The following ROBO2 variants were observed in gnomAD, a reference collection of about 807,000 sequenced individuals.
ROBO2 encodes the protein roundabout homolog 2.
Under a neutral mutation model 160.8 loss-of-function variants are expected in ROBO2, and 53 were observed. The observed-to-expected ratio is 0.33, with a 90% CI of 0.26 to 0.41. ROBO2 has a LOEUF of 0.41. ROBO2 is among the 10% of genes least tolerant of loss of function. The probability of loss-of-function intolerance (pLI) is 1.00; values close to 1 mark genes in which losing one functional copy is unlikely to be tolerated. For missense variants in ROBO2, 1,577 were observed against 1,722.4 expected (o/e 0.92, Z 1.49); for synonymous variants, 664 against 611.7 (o/e 1.09, Z -1.26).
intron 2 of ROBO2, among the ~76,000 whole-genome samples, chr3:76,188,977 T>C (rs1559624588): frequency 1.3e-5 from 2 of 152,142 alleles, no homozygotes; most frequent in South Asian, 2.1e-4. Flanking sequence ...AAGGTTATTG[T>C]ATCTTGTAAT....
At chr3:77,468,897 A>G (rs1582210985) in intron 2 of ROBO2, among the ~76,000 whole-genome samples, 1 of 152,122 alleles carries the variant, frequency 6.6e-6, no homozygotes, top group East Asian at 1.9e-4. Context: ...GTCAGCTTGC[A>G]CAGCGGCCCC....
chr3:77,521,017 T>C (rs1233227805), intron 5 of ROBO2, among the ~76,000 whole-genome samples: 3 of 151,426 alleles, frequency 2.0e-5, no homozygotes, highest in South Asian at 4.1e-4. Flanking sequence ...AAACAAGATA[T>C]GTATCATGTA....
At chr3:76,309,060 T>A (rs978061323) in intron 2 of ROBO2, among the ~76,000 whole-genome samples, 4 of 151,992 alleles carry the variant, frequency 2.6e-5, no homozygotes, top group African/African-American at 9.7e-5. Flanking sequence ...ATTTTTTTTT[T>A]AATTGCTAAT....
chr3:77,287,886 G>A (rs891800795), intron 2 of ROBO2, among the ~76,000 whole-genome samples: 3 of 152,124 alleles, frequency 2.0e-5, no homozygotes, highest in Admixed American at 1.3e-4. Flanking sequence ...AATGAAACTG[G>A]TAAAATAACC....
At chr3:77,443,127 A>G (rs967340082) in intron 2 of ROBO2, among the ~76,000 whole-genome samples, 8 of 152,234 alleles carry the variant, frequency 5.3e-5, no homozygotes, top group Non-Finnish European at 1.5e-5. Context: ...GATACAATGG[A>G]AAGAACAATG....
At chr3:76,265,649 A>C (rs2107609473) in intron 2 of ROBO2, among the ~76,000 whole-genome samples, 1 of 152,290 alleles carries the variant, frequency 6.6e-6, no homozygotes, top group South Asian at 2.1e-4. Context: ...GCATTACAGT[A>C]AGTTCGTGAG....
intron 2 of ROBO2, among the ~76,000 whole-genome samples, chr3:76,631,199 T>G (rs1430208077): frequency 1.3e-5 from 2 of 152,226 alleles, no homozygotes; most frequent in African/African-American, 4.8e-5. Flanking sequence ...AATTTTAATT[T>G]TATTCAGTGG....
chr3:77,405,096 G>A (rs1019101642), intron 2 of ROBO2, among the ~76,000 whole-genome samples: 1 of 152,078 alleles, frequency 6.6e-6, no homozygotes, highest in Non-Finnish European at 1.5e-5. Flanking sequence ...AACACTTTTG[G>A]ATCTTCAGTT....
At chr3:77,317,421 C>A in intron 2 of ROBO2, 1 of 1,449,346 alleles carries the variant, frequency 6.9e-7, no homozygotes, top group Non-Finnish European at 9.5e-7. Flanking sequence ...GTCAGTCCAT[C>A]GGTACCTGGT....
At chr3:77,168,269 A>G (rs2079290079) in intron 2 of ROBO2, among the ~76,000 whole-genome samples, 1 of 152,192 alleles carries the variant, frequency 6.6e-6, no homozygotes, top group Admixed American at 6.5e-5. Flanking sequence ...TCTGGCTCTT[A>G]ACCTTAATGC....
intron 2 of ROBO2, among the ~76,000 whole-genome samples, chr3:76,688,602 G>GGTGTGT (rs111250460): frequency 0.014 from 2,045 of 148,752 alleles, 39 homozygotes; most frequent in African/African-American, 0.042. Context: ...AAATTTTAGT[G>GGTGTGT]GTGTGTGTGT....
At chr3:77,329,623 G>A (rs1160276099) in intron 2 of ROBO2, among the ~76,000 whole-genome samples, 2 of 152,152 alleles carry the variant, frequency 1.3e-5, no homozygotes, top group East Asian at 3.8e-4. Context: ...GCCATGTTTT[G>A]CTGGATAATT....
At chr3:77,064,184 G>C (rs1362757755) in intron 1 of ROBO2, among the ~76,000 whole-genome samples, 1 of 152,022 alleles carries the variant, frequency 6.6e-6, no homozygotes, top group African/African-American at 2.4e-5. Flanking sequence ...CCTTAAAAAT[G>C]TATTAAATTG....
At chr3:76,396,460 A>AAGT (rs2077454447) in intron 2 of ROBO2, among the ~76,000 whole-genome samples, 1 of 152,158 alleles carries the variant, frequency 6.6e-6, no homozygotes. Flanking sequence ...ATAGTGTTGG[A>AAGT]AGTTCTGGTC....
chr3:77,269,180 AAAAG>A (rs1560387645), intron 2 of ROBO2, among the ~76,000 whole-genome samples: 1 of 152,196 alleles, frequency 6.6e-6, no homozygotes, highest in African/African-American at 2.4e-5. Flanking sequence ...TGAACCAATT[AAAAG>A]AAAGATGAAA....
intron 2 of ROBO2, among the ~76,000 whole-genome samples, chr3:77,455,752 AG>A (rs2153566412): frequency 7.1e-6 from 1 of 140,646 alleles, no homozygotes; most frequent in Admixed American, 7.1e-5. Flanking sequence ...TTTTTTTTTT[AG>A]ATGTTTGAGG....
chr3:77,125,276 T>A (rs1001036585), intron 2 of ROBO2, among the ~76,000 whole-genome samples: 5 of 152,214 alleles, frequency 3.3e-5, no homozygotes, highest in African/African-American at 1.2e-4. Context: ...TGTGGATTTC[T>A]GCTTCTAAGG....
intron 2 of ROBO2, among the ~76,000 whole-genome samples, chr3:76,524,945 T>A (rs1332746690): frequency 6.8e-6 from 1 of 147,754 alleles, no homozygotes; most frequent in Non-Finnish European, 1.5e-5. Context: ...GTTAGAGATC[T>A]ATGCAAAGCA....
chr3:77,430,856 T>C (rs1197479254), intron 2 of ROBO2, among the ~76,000 whole-genome samples: 1 of 152,232 alleles, frequency 6.6e-6, no homozygotes, highest in Non-Finnish European at 1.5e-5. Flanking sequence ...TTCATATGGC[T>C]AGTTGATGAT....
Sources: gnomAD v4.1 joint callset for allele counts (sites outside exome capture counted in the v4.1 genomes callset) on GRCh38, gnomAD v4.1.1 for gene constraint, MANE v1.5 for transcripts, NCBI Gene and HGNC (gene_info 2026-07-23, HGNC 2026-07-21) for gene names.